The following DNAH6 variants were observed in gnomAD, a reference collection of about 807,000 sequenced individuals.
DNAH6 encodes the protein dynein axonemal heavy chain 6, also known as axonemal beta dynein heavy chain 6.
In DNAH6, 340 loss-of-function variants were observed where a neutral mutation model predicts 491.4. The ratio of observed to expected loss-of-function variants is 0.69; its 90% CI spans 0.63 to 0.76. The LOEUF is 0.76. Among genes scored for constraint, DNAH6 ranks in the 30% least tolerant of loss-of-function variants. The pLI is 0.00. For missense variants in DNAH6, 4,443 were observed against 4,972.2 expected (o/e 0.89, Z 3.20); for synonymous variants, 1,603 against 1,686.1 (o/e 0.95, Z 1.21).
chr2:84,639,056 C>A (rs1380138237), intron 31 of DNAH6, among the ~76,000 whole-genome samples: 1 of 152,132 alleles, frequency 6.6e-6, no homozygotes, highest in Non-Finnish European at 1.5e-5. Context: ...GAATTATAAT[C>A]CAATGTGAGA....
In DNAH6 at chr2:84,643,460, C is replaced by T. The variant is rs190443325; in HGVS notation, c.5078+1406C>T. 8.5e-4 allele frequency among the ~76,000 whole-genome samples: 129 copies of T among 152,190 alleles called. 1 individual carries two copies. Among genetic ancestry groups the T allele is most frequent in the East Asian group, 9.7e-4 (5 of 5,180 alleles). On this transcript the variant is annotated intron_variant, in intron 33 of 76. Coordinates refer to ENST00000389394, the MANE Select transcript of DNAH6 (RefSeq NM_001370.2). ...GCCATTATTCTTTCAAATATTTCTT[C>T]TGTTTTTTTCTCCCTCTCTTACCCT... is the stretch of plus-strand genomic sequence containing the variant.
rs1371598954 is a variant in DNAH6, at chr2:84,652,817, A to T, written c.5079-502A>T. ...CACATTTTTCCTTCCTTCTTGCATG[A>T]TGCTAATTTTAATTATACATTCATC... On this transcript the variant is annotated intron_variant, in intron 33 of 76. Coordinates refer to ENST00000389394, the MANE Select transcript of DNAH6 (RefSeq NM_001370.2). 2.6e-5 allele frequency among the ~76,000 whole-genome samples: 4 copies of T among 151,936 alleles called. No individual in the cohort carries two copies. The East Asian group carries it at 7.7e-4, about 29-fold the overall frequency.
chr2:84,573,505 T>C lies in DNAH6; in HGVS notation c.1842T>C (p.Tyr614=), dbSNP rs1366309465. 1.3e-6 allele frequency: 2 copies of C among 1,592,230 alleles called. No homozygotes were observed. The highest frequency in any genetic ancestry group is 1.7e-6 in the Non-Finnish European group (2 of 1,173,340). The change falls in exon 12 of 77, where the codon TAT becomes TAC. Residue 614 remains tyrosine, a synonymous_variant. Coordinates refer to ENST00000389394, the MANE Select transcript of DNAH6 (RefSeq NM_001370.2). The stretch of plus-strand genomic sequence containing the variant: ...CCGCATTTGAATCAGCCCGCATCTA[T>C]GCAGCTACCTTTGAAAAGTTCCAGA... ...IQAAFESARI[Y]AATFEKFQIF... is the part of the protein sequence containing the mutation.
In DNAH6 at chr2:84,703,488, G is replaced by A. The variant is rs983671025; in HGVS notation, c.8155G>A (p.Val2719Ile). 6 of 1,551,386 alleles carry A rather than the reference G, an allele frequency of 3.9e-6. No individual in the cohort carries two copies. Among genetic ancestry groups the A allele is most frequent in the Non-Finnish European group, 4.4e-6 (5 of 1,146,792 alleles). The part of the protein sequence containing the change: ...MKLDLSALEP[V>I]LLAKSEDVEA... ...ACTAGATCTTTCAGCTTTAGAGCCT[G>A]TACTTTTAGCAAAATCAGAAGATGT... is the stretch of plus-strand genomic sequence containing the variant. Residue 2719 changes from valine (V) to isoleucine (I), a missense_variant, in exon 50 of 77, where the codon GTA (valine) becomes ATA (isoleucine). Transcript: ENST00000389394.
chr2:84,681,593 T>G, intron 42 of DNAH6, 65 bp downstream of exon 42: 1 of 1,390,644 alleles, frequency 7.2e-7, no homozygotes, highest in Non-Finnish European at 9.5e-7. Context: ...CCCCCAAATA[T>G]CTCAGTAACA....
intron 68 of DNAH6, among the ~76,000 whole-genome samples, chr2:84,787,707 A>G (rs947369976): frequency 2.6e-5 from 4 of 152,192 alleles, no homozygotes; most frequent in African/African-American, 9.7e-5. Context: ...TTGAACCCAA[A>G]CAGTGTAGCC....
chr2:84,743,218 A>C (rs1672673046), intron 62 of DNAH6, among the ~76,000 whole-genome samples: 1 of 152,220 alleles, frequency 6.6e-6, no homozygotes, highest in Non-Finnish European at 1.5e-5. Context: ...AATTATAGGG[A>C]CAACTCATAA....
Position 84,709,474 on chromosome 2 carries a change from G to C in DNAH6, c.9180G>C (p.Leu3060Phe), listed in dbSNP as rs775007377. The C allele has an allele frequency of 1.3e-6, 2 of 1,551,670 alleles. No homozygotes were observed. Among genetic ancestry groups the C allele is most frequent in the Admixed American group, 2.0e-5 (1 of 50,984 alleles). ...ACACTGATGGGCTGCCCCGTGACTTGATATCAACAGAAAATGGCATTTTGG... is the reference window on the plus strand; with the variant it reads ...ACACTGATGGGCTGCCCCGTGACTTCATATCAACAGAAAATGGCATTTTGG... ...QWNTDGLPRD[L>F]ISTENGILVT... Residue 3060 changes from leucine to phenylalanine, a missense_variant, in exon 55 of 77, where the codon TTG becomes TTC. Leu to Phe is a conservative substitution (Grantham distance 22, BLOSUM62 0). Coordinates refer to ENST00000389394, the MANE Select transcript of DNAH6 (RefSeq NM_001370.2).
chr2:84,701,629 A>G (rs765724884), intron 49 of DNAH6, among the ~76,000 whole-genome samples: 2 of 152,148 alleles, frequency 1.3e-5, no homozygotes, highest in African/African-American at 4.8e-5. Context: ...GGCACATTTT[A>G]TGTGGCAAGA....
chr2:84,745,241 G>T lies in DNAH6; in HGVS notation c.10504G>T (p.Glu3502Ter). 6.7e-7 allele frequency: 1 copy of T among 1,492,162 alleles called. No homozygotes were observed. The allele number at this position is 1,492,162 out of a possible 1,614,324, so 92.4% of individuals were successfully genotyped here. ...GCTAATTCTTATTAAATGTTGTAAAGAAGAAAAGGTAGGGCATTTTTTTAA... is the reference window on the plus strand; with the variant it reads ...GCTAATTCTTATTAAATGTTGTAAATAAGAAAAGGTAGGGCATTTTTTTAA... The part of the protein sequence containing the change: ...HKLILIKCCK[E>*]EKVVFALTDF... The change falls in exon 63 of 77, where the codon GAA becomes TAA. Residue 3502 changes from glutamate (E) to a stop codon, truncating the protein, a stop_gained. Coordinates refer to ENST00000389394, the MANE Select transcript of DNAH6 (RefSeq NM_001370.2). LOFTEE classifies it high-confidence loss of function.
At chr2:84,681,628 C>A in intron 42 of DNAH6, 100 bp downstream of exon 42, 1 of 1,089,690 alleles carries the variant, frequency 9.2e-7, no homozygotes, top group Non-Finnish European at 1.2e-6. Context: ...GTGTTGGTGA[C>A]TCACCCAGAA....
At chr2:84,785,298 T>C (rs959870561) in intron 66 of DNAH6, among the ~76,000 whole-genome samples, 7 of 152,164 alleles carry the variant, frequency 4.6e-5, no homozygotes, top group Non-Finnish European at 8.8e-5. Flanking sequence ...TGATGCAAAA[T>C]TCAATGAGGA....
At chr2:84,541,640 G>A (rs1678253774) in intron 4 of DNAH6, among the ~76,000 whole-genome samples, 2 of 152,168 alleles carry the variant, frequency 1.3e-5, no homozygotes, top group African/African-American at 4.8e-5. Context: ...AAAAAACTAG[G>A]GAGAGTTAGA....
rs1011899627 is a variant in DNAH6 at position 84,701,298 on chromosome 2, T to G, written c.8020T>G (p.Tyr2674Asp). Residue 2674 changes from tyrosine to aspartate, a missense_variant, in exon 49 of 77, where the codon TAC becomes GAC. Tyr to Asp is a radical substitution (Grantham distance 160). Transcript: ENST00000389394. ...CTCCTACCTGGAGCTTATCAATCTT[T>G]ACCTGTCTATGCTGTCTGAAAAAAG... is the stretch of plus-strand genomic sequence containing the variant. ...PTSYLELINL[Y>D]LSMLSEKRKQ... is the part of the protein sequence containing the mutation. 13 of 1,552,034 alleles carry G rather than the reference T, an allele frequency of 8.4e-6. No individual in the cohort carries two copies. The highest frequency in any genetic ancestry group is 1.0e-5 in the Non-Finnish European group (12 of 1,147,054).
At chr2:84,807,357 G>C (rs757677271) in intron 71 of DNAH6, among the ~76,000 whole-genome samples, 2 of 152,168 alleles carry the variant, frequency 1.3e-5, no homozygotes, top group Non-Finnish European at 2.9e-5. Flanking sequence ...CAAGAAAAAG[G>C]CTGTTCCTTC....
chr2:84,770,884 G>A (rs543663115), intron 64 of DNAH6, among the ~76,000 whole-genome samples: 18 of 152,106 alleles, frequency 1.2e-4, no homozygotes, highest in African/African-American at 2.7e-4. Flanking sequence ...CAGCTACTTC[G>A]AAGGCTGAGG....
chr2:84,610,076 C>T (rs906495455), intron 21 of DNAH6, among the ~76,000 whole-genome samples: 1 of 152,046 alleles, frequency 6.6e-6, no homozygotes, highest in Non-Finnish European at 1.5e-5. Flanking sequence ...AGAAGTTTAG[C>T]TGGGGAATGA....
At chr2:84,595,600 A>T in intron 17 of DNAH6, 46 bp from the exon 18 acceptor site, 1 of 1,478,908 alleles carries the variant, frequency 6.8e-7, no homozygotes, top group Non-Finnish European at 9.0e-7. Context: ...CCTGACTTTT[A>T]CTTTATGTTT....
At position 84,598,096 on chromosome 2, in the gene DNAH6, C is replaced by CTT. The variant is rs1401642003; in HGVS notation, c.2868+2308_2868+2309insTT. On this transcript the variant is annotated intron_variant, in intron 18 of 76. Transcript: ENST00000389394. ...TAGTGAGAAAGTGAACTCGTGGTTA[C>CTT]TCGTGGAACTCGTGGTTCTTTCTAT... is the stretch of plus-strand genomic sequence containing the variant. 3.4e-3 allele frequency among the ~76,000 whole-genome samples: 474 copies of CTT among 140,860 alleles called. 4 individuals carry two copies. The highest frequency in any genetic ancestry group is 0.013 in the African/African-American group (418 of 32,194). 92.4% of individuals were successfully genotyped at this position (140,860 alleles called of 152,430 possible). A position where few individuals can be genotyped will look rare whatever the true frequency, so the allele number is the denominator to read the frequency against.
Sources: allele counts gnomAD v4.1 joint callset (sites outside exome capture counted in the v4.1 genomes callset), GRCh38; gene constraint gnomAD v4.1.1; transcripts MANE v1.5; gene names NCBI Gene and HGNC (gene_info 2026-07-23, HGNC 2026-07-21).